Variants in ADCY1 observed in about 807,000 individuals in gnomAD.
The protein encoded by ADCY1 is adenylate cyclase 1.
A neutral mutation model predicts 105.4 loss-of-function variants in ADCY1; 28 were observed. That is an observed-to-expected ratio of 0.27 (90% CI 0.20 to 0.36). ADCY1 has a LOEUF of 0.36. ADCY1 is among the 10% of genes least tolerant of loss of function. ADCY1 has a pLI of 1.00. For synonymous variants in ADCY1, 655 were observed against 623.8 expected (o/e 1.05, Z -0.75); for missense variants, 977 against 1,434.2 (o/e 0.68, Z 5.15).
intron 2 of ADCY1, among the ~76,000 whole-genome samples, chr7:45,599,722 G>A (rs1793174316): frequency 6.6e-6 from 1 of 151,918 alleles, no homozygotes; most frequent in Non-Finnish European, 1.5e-5. Context: ...CGCCTCCCGG[G>A]TTCAAGCAGT....
chr7:45,677,976 C>T lies in ADCY1; in HGVS notation c.1713C>T (p.Arg571=). The T allele has an allele frequency of 1.2e-5, 19 of 1,614,202 alleles. No homozygotes were observed. The highest frequency in any genetic ancestry group is 1.6e-5 in the Non-Finnish European group (19 of 1,180,030). Reference sequence around the variant, plus strand: ...CTCGCGTCAACAGGTACATCAGCCGCCTCTTAGAAGCCCGCCAGACAGAGC... The same window carrying T: ...CTCGCGTCAACAGGTACATCAGCCGTCTCTTAGAAGCCCGCCAGACAGAGC... ...PGTRVNRYIS[R]LLEARQTELE... The change falls in exon 9 of 20, where the codon CGC becomes CGT. Residue 571 remains arginine, a synonymous_variant. Coordinates refer to ENST00000297323, the MANE Select transcript of ADCY1 (RefSeq NM_021116.4).
intron 14 of ADCY1, among the ~76,000 whole-genome samples, chr7:45,692,882 T>G (rs1276692528): frequency 6.6e-6 from 1 of 152,140 alleles, no homozygotes; most frequent in Non-Finnish European, 1.5e-5. Flanking sequence ...ACTTACCAAA[T>G]CTGGATCTCA....
In ADCY1 at chr7:45,610,373, G is replaced by A. The variant is rs924907168; in HGVS notation, c.790-6G>A. ...TGTCTAACCCGGGCCCTTCTCTTCT[G>A]TCCAGGAGCGGCTCCTCATGAGCCT... On this transcript the variant is annotated splice_region_variant and splice_polypyrimidine_tract_variant and intron_variant, in intron 2 of 19. Transcript: ENST00000297323. The A allele has an allele frequency of 6.2e-7, 1 of 1,613,188 alleles. No homozygotes were observed. The highest frequency in any genetic ancestry group is 8.5e-7 in the Non-Finnish European group (1 of 1,179,522).
Position 45,686,471 on chromosome 7 carries a change from G to T in ADCY1, c.2328-76G>T. ...CACCACCTGAGGGTCACTCTGAACA[G>T]TTCTTGGGTTTGGTGGCAGAGTCTT... On this transcript the variant is annotated intron_variant, in intron 13 of 19. Coordinates refer to ENST00000297323, the MANE Select transcript of ADCY1 (RefSeq NM_021116.4). This position sits in a 1 kb window ranked among gnomAD's most constrained non-coding sequence, Gnocchi z 4.3. 1 of 1,553,046 alleles carries T rather than the reference G, an allele frequency of 6.4e-7. No individual in the cohort carries two copies.
In ADCY1 at chr7:45,717,541, G is replaced by A. The variant is rs1785381715; in HGVS notation, c.*3546G>A. 1 of 152,346 alleles carries A rather than the reference G, an allele frequency of 6.6e-6. No homozygotes were observed. The highest frequency in any genetic ancestry group is 6.5e-5 in the Admixed American group (1 of 15,284). The allele number at this position is 152,346 out of a possible 1,614,324, so 9.4% of individuals were successfully genotyped here. On this transcript the variant is annotated 3_prime_UTR_variant, in exon 20 of 20. Coordinates refer to ENST00000297323, the MANE Select transcript of ADCY1 (RefSeq NM_021116.4). ...GAGGCTTTGTAAATAGTGCACCAGT[G>A]ACAGGTGCTGCCTGTTTACTCGTAC... is the stretch of plus-strand genomic sequence containing the variant.
Position 45,582,473 on chromosome 7 carries a change from C to T in ADCY1, c.639+7291C>T, listed in dbSNP as rs574141817. Among the ~76,000 whole-genome samples, 264 of 151,654 alleles carry T rather than the reference C, an allele frequency of 1.7e-3. 1 individual carries two copies. Among genetic ancestry groups the T allele is most frequent in the African/African-American group, 6.0e-3 (247 of 41,348 alleles). On this transcript the variant is annotated intron_variant, in intron 1 of 19. Transcript: ENST00000297323. ...ACTTGGGAGCTGTGGAGGCAGGGAC[C>T]GGGCTAGGACTCTAAAGCCTTCCTT...
At chr7:45,613,203 G>A (rs1050569146) in intron 3 of ADCY1, among the ~76,000 whole-genome samples, 13 of 152,160 alleles carry the variant, frequency 8.5e-5, no homozygotes, top group Non-Finnish European at 1.3e-4. Context: ...AAAGAATAAT[G>A]CATGAACAAA....
At chr7:45,702,069 G>A (rs960994028) in intron 14 of ADCY1, among the ~76,000 whole-genome samples, 6 of 152,140 alleles carry the variant, frequency 3.9e-5, no homozygotes, top group Admixed American at 6.5e-5. Context: ...CCCCATCCTC[G>A]TACCTGGCCC....
rs930396341 is a variant in ADCY1, at chr7:45,635,694, T to C, written c.1020+12951T>C. ...TTTCAAAGATCTTGTTTTTTACTTC[T>C]AATTTAGTTCTTTTGTGGTCAGAGA... On this transcript the variant is annotated intron_variant, in intron 4 of 19. Coordinates refer to ENST00000297323, the MANE Select transcript of ADCY1 (RefSeq NM_021116.4). Among the ~76,000 whole-genome samples the C allele has an allele frequency of 3.3e-5, 5 of 149,890 alleles. No homozygotes were observed. In the South Asian group the frequency reaches 1.1e-3, roughly 32 times the overall value.
intron 14 of ADCY1, among the ~76,000 whole-genome samples, chr7:45,689,663 G>A (rs774440944): frequency 6.6e-5 from 10 of 152,164 alleles, no homozygotes; most frequent in Non-Finnish European, 1.3e-4. Context: ...CATGAGATTT[G>A]GCAGGGACAG....
At chr7:45,671,356 C>T (rs1777701492) in intron 8 of ADCY1, among the ~76,000 whole-genome samples, 1 of 152,150 alleles carries the variant, frequency 6.6e-6, no homozygotes, top group South Asian at 2.1e-4. Flanking sequence ...TTTCTGTTTC[C>T]AGTATTTAAC....
intron 14 of ADCY1, among the ~76,000 whole-genome samples, chr7:45,696,521 G>A (rs943987315): frequency 1.3e-5 from 2 of 150,962 alleles, no homozygotes; most frequent in Admixed American, 1.3e-4. Context: ...CAAAGACCAT[G>A]TTTAGCACAG....
intron 14 of ADCY1, among the ~76,000 whole-genome samples, chr7:45,691,929 T>C (rs1398050751): frequency 1.3e-5 from 2 of 152,208 alleles, no homozygotes; most frequent in African/African-American, 4.8e-5. Flanking sequence ...GAGGAGTTTA[T>C]GTCATATAAA....
intron 1 of ADCY1, among the ~76,000 whole-genome samples, chr7:45,578,421 C>T (rs964010734): frequency 4.6e-5 from 7 of 152,122 alleles, no homozygotes; most frequent in East Asian, 1.9e-4. Flanking sequence ...TTTATTTAGC[C>T]GAGCACCTGT....
intron 1 of ADCY1, among the ~76,000 whole-genome samples, chr7:45,578,492 G>T (rs1221874799): frequency 6.6e-6 from 1 of 152,186 alleles, no homozygotes; most frequent in East Asian, 1.9e-4. Context: ...AGGGGGCAAG[G>T]CCTGCCAGGG....
intron 1 of ADCY1, among the ~76,000 whole-genome samples, chr7:45,579,242 CG>C (rs1230672020): frequency 2.0e-5 from 3 of 152,118 alleles, no homozygotes; most frequent in Admixed American, 2.0e-4. Context: ...GGCTGTGTCC[CG>C]TATGCCTTTG....
At chr7:45,688,521 C>A (rs1316763709) in intron 14 of ADCY1, among the ~76,000 whole-genome samples, 3 of 152,176 alleles carry the variant, frequency 2.0e-5, no homozygotes, top group Non-Finnish European at 1.5e-5. Flanking sequence ...TAGTTTTATT[C>A]ATCTGGAAAA....
intron 3 of ADCY1, among the ~76,000 whole-genome samples, chr7:45,618,405 A>T (rs1035562311): frequency 6.6e-6 from 1 of 152,228 alleles, no homozygotes; most frequent in African/African-American, 2.4e-5. Flanking sequence ...AAATTTCTGC[A>T]CAACAAAGGA....
chr7:45,592,642 T>C, intron 1 of ADCY1, 117 bp from the exon 2 acceptor site: 1 of 1,425,314 alleles, frequency 7.0e-7, no homozygotes, highest in East Asian at 2.3e-5. Context: ...GCGCTGTGGG[T>C]TTGGCCCGGG....
Sources: gnomAD v4.1 joint callset for allele counts (sites outside exome capture counted in the v4.1 genomes callset) on GRCh38, gnomAD v4.1.1 for gene constraint, Gnocchi (gnomAD v3.1) non-coding constraint, MANE v1.5 for transcripts, NCBI Gene and HGNC (gene_info 2026-07-23, HGNC 2026-07-21) for gene names.